Variants in APC observed in about 807,000 individuals in gnomAD.
APC encodes adenomatous polyposis coli protein.
A neutral mutation model predicts 247.0 loss-of-function variants in APC; 72 were observed. That is an observed-to-expected ratio of 0.29 (90% CI 0.24 to 0.35). APC has a LOEUF of 0.35. APC is among the 10% of genes least tolerant of loss of function. APC has a pLI of 1.00. For missense variants in APC, 3,400 were observed against 3,360.7 expected (o/e 1.01, Z -0.29); for synonymous variants, 1,254 against 1,162.5 (o/e 1.08, Z -1.60).
chr5:112,801,760 T>C (rs1760859125), intron 8 of APC, among the ~76,000 whole-genome samples: 1 of 151,900 alleles, frequency 6.6e-6, no homozygotes, highest in Non-Finnish European at 1.5e-5. Context: ...ATTTTTATGG[T>C]TTTTTTTAAA....
intron 8 of APC, among the ~76,000 whole-genome samples, chr5:112,806,666 C>T (rs1761426227): frequency 6.6e-6 from 1 of 152,082 alleles, no homozygotes; most frequent in Non-Finnish European, 1.5e-5. Flanking sequence ...CAACCTCTGC[C>T]TCCCAGGCTC....
At chr5:112,753,683 G>C (rs1375451941) in intron 1 of APC, among the ~76,000 whole-genome samples, 1 of 152,052 alleles carries the variant, frequency 6.6e-6, no homozygotes, top group African/African-American at 2.4e-5. Flanking sequence ...GAACTAACTA[G>C]ATCTAAGATG....
intron 6 of APC, among the ~76,000 whole-genome samples, chr5:112,790,608 C>A (rs1490603682): frequency 6.6e-6 from 1 of 152,148 alleles, no homozygotes; most frequent in Admixed American, 6.5e-5. Flanking sequence ...GGATTGCAGG[C>A]GTGAGCCACC....
At chr5:112,789,718 A>G (rs1759358454) in intron 6 of APC, among the ~76,000 whole-genome samples, 1 of 152,204 alleles carries the variant, frequency 6.6e-6, no homozygotes, top group Non-Finnish European at 1.5e-5. Context: ...CTCTAAAGCT[A>G]GGAAGTACTT....
chr5:112,729,529 GT>G (rs1306086092), intron 1 of APC, among the ~76,000 whole-genome samples: 1 of 152,208 alleles, frequency 6.6e-6, no homozygotes, highest in Non-Finnish European at 1.5e-5. Context: ...TAAGAAAGAG[GT>G]AGGTGAGGAA....
intron 6 of APC, among the ~76,000 whole-genome samples, chr5:112,789,880 TGA>T (rs1759382391): frequency 6.6e-6 from 1 of 152,138 alleles, no homozygotes; most frequent in South Asian, 2.1e-4. Flanking sequence ...TCTATTTTTT[TGA>T]GACAGTCTGG....
chr5:112,788,785 A>G (rs1370413187), intron 6 of APC, among the ~76,000 whole-genome samples: 1 of 152,206 alleles, frequency 6.6e-6, no homozygotes, highest in Non-Finnish European at 1.5e-5. Flanking sequence ...ATTTAAGTGA[A>G]AAGTATCCAG....
chr5:112,776,561 ATGG>A (rs1442452554), intron 5 of APC, among the ~76,000 whole-genome samples: 1 of 152,160 alleles, frequency 6.6e-6, no homozygotes, highest in East Asian at 1.9e-4. Flanking sequence ...ATGACTCAAC[ATGG>A]TGGAGGCTTA....
chr5:112,787,678 C>T (rs1423815027), intron 6 of APC, among the ~76,000 whole-genome samples: 2 of 152,114 alleles, frequency 1.3e-5, no homozygotes. Flanking sequence ...GTTTTAATAT[C>T]CTCTTGATAC....
chr5:112,744,148 C>T (rs979039178), intron 1 of APC, among the ~76,000 whole-genome samples: 7 of 152,052 alleles, frequency 4.6e-5, no homozygotes, highest in Non-Finnish European at 8.8e-5. Flanking sequence ...ACACCTGTAA[C>T]ATATCTTTTT....
chr5:112,810,588 A>T (rs916280551), intron 8 of APC, among the ~76,000 whole-genome samples: 1 of 152,204 alleles, frequency 6.6e-6, no homozygotes, highest in Non-Finnish European at 1.5e-5. Flanking sequence ...CACATGCTCA[A>T]ATTTCTCTAA....
intron 8 of APC, among the ~76,000 whole-genome samples, chr5:112,812,494 CACAA>C (rs1372246181): frequency 6.6e-6 from 1 of 152,198 alleles, no homozygotes; most frequent in Admixed American, 6.5e-5. Flanking sequence ...TCCACACACA[CACAA>C]ACACAACTAT....
intron 2 of APC, 108 bp downstream of exon 2, chr5:112,755,133 A>G (rs1010722055): frequency 6.8e-7 from 1 of 1,471,568 alleles, no homozygotes; most frequent in Non-Finnish European, 9.2e-7. Flanking sequence ...TAAATTAAGC[A>G]ATAATATGTA....
In APC at chr5:112,808,607, C is replaced by T. The variant is rs556923063; in HGVS notation, c.835-6888C>T. 1.4e-3 allele frequency among the ~76,000 whole-genome samples: 216 copies of T among 152,168 alleles called. 1 individual carries two copies. The highest frequency in any genetic ancestry group is 5.0e-3 in the African/African-American group (206 of 41,528). ...TCACCACCATGCCCTAGGCCTCCCT[C>T]TGTTCCCCAGGCTGGTCTTGAACTC... is the stretch of plus-strand genomic sequence containing the variant. On this transcript the variant is annotated intron_variant, in intron 8 of 15. Transcript: ENST00000257430.
chr5:112,737,553 G>A (rs946908703), upstream of APC, among the ~76,000 whole-genome samples: 7 of 152,084 alleles, frequency 4.6e-5, no homozygotes, highest in South Asian at 2.1e-4. Flanking sequence ...TCCCACCTCC[G>A]GCATCTTGTG....
intron 1 of APC, among the ~76,000 whole-genome samples, chr5:112,728,447 T>C (rs1341578439): frequency 6.6e-6 from 1 of 152,170 alleles, no homozygotes; most frequent in Non-Finnish European, 1.5e-5. Context: ...ATTTTATATG[T>C]GGCTCAAGAC....
At chr5:112,768,000 C>T (rs1180645976) in intron 4 of APC, among the ~76,000 whole-genome samples, 1 of 151,708 alleles carries the variant, frequency 6.6e-6, no homozygotes, top group Non-Finnish European at 1.5e-5. Context: ...TTGCTTGAGG[C>T]CAGGAGTTCA....
chr5:112,756,582 G>C (rs1755012810), intron 2 of APC, among the ~76,000 whole-genome samples: 1 of 152,140 alleles, frequency 6.6e-6, no homozygotes. Flanking sequence ...ACTCCTCCTG[G>C]CAGGCCTGTT....
intron 2 of APC, among the ~76,000 whole-genome samples, chr5:112,761,779 C>T (rs1755702319): frequency 6.6e-6 from 1 of 152,124 alleles, no homozygotes; most frequent in South Asian, 2.1e-4. Flanking sequence ...TCAAAAGACT[C>T]GAGTGTGCTT....
Sources: gnomAD v4.1 joint callset for allele counts (sites outside exome capture counted in the v4.1 genomes callset) on GRCh38, gnomAD v4.1.1 for gene constraint, MANE v1.5 for transcripts, NCBI Gene and HGNC (gene_info 2026-07-23, HGNC 2026-07-21) for gene names.